Variants in TNR observed in about 807,000 individuals in gnomAD.
TNR encodes the protein tenascin R, also known as tenascin-R.
In TNR, 45 loss-of-function variants were observed where a neutral mutation model predicts 150.4. The observed-to-expected ratio is 0.30, with a 90% CI of 0.24 to 0.38. The LOEUF is 0.38. Ranked by LOEUF, TNR falls within the 10% of genes least tolerant of loss-of-function variation. The probability of loss-of-function intolerance (pLI) is 1.00; values close to 1 mark genes in which losing one functional copy is unlikely to be tolerated. For synonymous variants in TNR, 687 were observed against 678.4 expected (o/e 1.01, Z -0.20); for missense variants, 1,544 against 1,759.1 (o/e 0.88, Z 2.19).
rs773858980 is a variant in TNR, at chr1:175,403,513, C to T, written c.603G>A (p.Glu201=). 1.2e-6 allele frequency: 2 copies of T among 1,614,256 alleles called. No individual in the cohort carries two copies. Among genetic ancestry groups the T allele is most frequent in the East Asian group, 2.2e-5 (1 of 44,878 alleles). The part of the protein sequence containing the change: ...NEGWFGKNCS[E]PYCPLGCSSR... ...TGGAGCAACCCAGCGGGCAGTAGGG[C>T]TCCGAGCAATTCTTGCCAAACCAGC... The change falls in exon 4 of 23, where the codon GAG becomes GAA. Residue 201 remains glutamate (E), a synonymous_variant. Transcript: ENST00000367674.
At position 175,485,781 on chromosome 1, in the gene TNR, C is replaced by T. The variant is rs150152557; in HGVS notation, c.-64+42488G>A. 3.7e-4 allele frequency among the ~76,000 whole-genome samples: 56 copies of T among 152,258 alleles called. No homozygotes were observed. In the East Asian group the frequency reaches 9.8e-3, roughly 27 times the overall value. On this transcript the variant is annotated intron_variant, in intron 2 of 22. Coordinates refer to ENST00000367674, the MANE Select transcript of TNR (RefSeq NM_003285.3). ...ATATAGAATAAAATTGAGCCAGGCA[C>T]GGCGAGCTTGCAATGGCTCAGACTA...
intron 1 of TNR, among the ~76,000 whole-genome samples, chr1:175,722,278 G>A (rs1031793702): frequency 2.6e-5 from 4 of 152,070 alleles, no homozygotes; most frequent in Admixed American, 1.3e-4. Context: ...ATCCTGCCAC[G>A]GGTTTTCTGC....
At chr1:175,585,752 C>T (rs1662538631) in intron 1 of TNR, among the ~76,000 whole-genome samples, 1 of 152,110 alleles carries the variant, frequency 6.6e-6, no homozygotes, top group African/African-American at 2.4e-5. Flanking sequence ...GGTCAGCCTC[C>T]CACTTCCTTC....
At chr1:175,645,425 AT>A (rs1245481886) in intron 1 of TNR, among the ~76,000 whole-genome samples, 2 of 152,174 alleles carry the variant, frequency 1.3e-5, no homozygotes, top group Non-Finnish European at 1.5e-5. Flanking sequence ...GATCTTTGTG[AT>A]TACTTAAGAG....
intron 2 of TNR, among the ~76,000 whole-genome samples, chr1:175,487,804 T>C (rs558612921): frequency 5.5e-4 from 84 of 152,320 alleles, no homozygotes; most frequent in Non-Finnish European, 8.8e-4. Context: ...GTGCCTCTTG[T>C]TTTTAATACC....
chr1:175,451,097 G>A (rs1656288957), intron 2 of TNR, among the ~76,000 whole-genome samples: 1 of 151,854 alleles, frequency 6.6e-6, no homozygotes. Context: ...CAAAAACTTA[G>A]AATTTCCAAG....
At chr1:175,353,843 T>TTTTA (rs201495485) in intron 18 of TNR, among the ~76,000 whole-genome samples, 2,254 of 84,206 alleles carry the variant, frequency 0.027, 55 homozygotes, top group African/African-American at 0.1. Context: ...TTTTTTAAAT[T>TTTTA]TTTATTTATT....
At chr1:175,703,148 A>G (rs1666747010) in intron 1 of TNR, among the ~76,000 whole-genome samples, 1 of 152,224 alleles carries the variant, frequency 6.6e-6, no homozygotes, top group Non-Finnish European at 1.5e-5. Context: ...TATAAATGTT[A>G]AAAATATTTA....
intron 1 of TNR, among the ~76,000 whole-genome samples, chr1:175,726,793 A>C (rs1667492322): frequency 6.6e-6 from 1 of 152,238 alleles, no homozygotes; most frequent in South Asian, 2.1e-4. Flanking sequence ...TTTTCAAAAA[A>C]TTTATTTGAT....
At chr1:175,658,811 A>T (rs1311387872) in intron 1 of TNR, among the ~76,000 whole-genome samples, 1 of 152,160 alleles carries the variant, frequency 6.6e-6, no homozygotes, top group Non-Finnish European at 1.5e-5. Context: ...TCTTTTGCCA[A>T]TCCCTGGATC....
intron 2 of TNR, among the ~76,000 whole-genome samples, chr1:175,447,328 T>C (rs1656100777): frequency 6.6e-6 from 1 of 152,186 alleles, no homozygotes; most frequent in African/African-American, 2.4e-5. Context: ...TCTGAAGGTT[T>C]TCATTCCCAT....
intron 1 of TNR, among the ~76,000 whole-genome samples, chr1:175,603,549 C>T (rs552644526): frequency 1.3e-5 from 2 of 152,312 alleles, no homozygotes; most frequent in East Asian, 3.9e-4. Context: ...AAAAATGATG[C>T]TTTGATGAAT....
At chr1:175,433,512 G>A (rs972422046) in intron 2 of TNR, among the ~76,000 whole-genome samples, 1 of 152,174 alleles carries the variant, frequency 6.6e-6, no homozygotes, top group African/African-American at 2.4e-5. Flanking sequence ...CTGAAGGCCT[G>A]TGTCCTTTGT....
intron 1 of TNR, among the ~76,000 whole-genome samples, chr1:175,541,433 G>A (rs1290048251): frequency 6.6e-6 from 1 of 152,154 alleles, no homozygotes. Context: ...GTGTGCAGAG[G>A]GAAAACAAAC....
rs191395354 is a variant in TNR, at chr1:175,443,067, G to T, written c.-63-36290C>A. Among the ~76,000 whole-genome samples the T allele has an allele frequency of 1.6e-4, 24 of 152,268 alleles. No homozygotes were observed. In the East Asian group the frequency reaches 4.0e-3, roughly 26 times the overall value. On this transcript the variant is annotated intron_variant, in intron 2 of 22. Transcript: ENST00000367674. ...TGTAGCTCAATGGAACATTTATCCT[G>T]TAGTATAATTTTTCAATAATATTAC...
At chr1:175,430,306 G>T (rs1655206161) in intron 2 of TNR, among the ~76,000 whole-genome samples, 1 of 152,154 alleles carries the variant, frequency 6.6e-6, no homozygotes, top group South Asian at 2.1e-4. Context: ...AAGTGAGAAA[G>T]AAATTGCTGA....
At chr1:175,506,871 G>T (rs140650587) in intron 2 of TNR, among the ~76,000 whole-genome samples, 1 of 152,228 alleles carries the variant, frequency 6.6e-6, no homozygotes, top group Non-Finnish European at 1.5e-5. Flanking sequence ...CCTCAGTTAG[G>T]TGCCAAGGAT....
At chr1:175,648,897 G>A (rs1408877579) in intron 1 of TNR, among the ~76,000 whole-genome samples, 2 of 152,140 alleles carry the variant, frequency 1.3e-5, no homozygotes, top group African/African-American at 2.4e-5. Flanking sequence ...CCTGGTTCAT[G>A]TTGACTTGGG....
intron 2 of TNR, among the ~76,000 whole-genome samples, chr1:175,524,151 C>T (rs531892013): frequency 6.6e-6 from 1 of 152,088 alleles, no homozygotes; most frequent in African/African-American, 2.4e-5. Context: ...ACTATCACAC[C>T]GTAGTTAGGC....
Sources: gnomAD v4.1 joint callset for allele counts (sites outside exome capture counted in the v4.1 genomes callset) on GRCh38, gnomAD v4.1.1 for gene constraint, MANE v1.5 for transcripts, NCBI Gene and HGNC (gene_info 2026-07-23, HGNC 2026-07-21) for gene names.